The following AASDH variants were observed in gnomAD, a reference collection of about 807,000 sequenced individuals.
AASDH encodes aminoadipate-semialdehyde dehydrogenase.
Under a neutral mutation model 102.3 loss-of-function variants are expected in AASDH, and 81 were observed. The observed-to-expected ratio is 0.79, with a 90% CI of 0.66 to 0.95. The LOEUF (loss-of-function observed/expected upper bound fraction) is 0.95, where lower values mean the gene tolerates loss of function less well. Among genes scored for constraint, AASDH ranks in the 40% least tolerant of loss-of-function variants. AASDH has a pLI of 0.00. For synonymous variants in AASDH, 398 were observed against 454.0 expected, an observed-to-expected ratio of 0.88 and a Z score of 1.57; for missense variants, 1,203 against 1,266.2, an observed-to-expected ratio of 0.95 and a Z score of 0.76.
chr4:56,387,292 C>T (rs752641425), intron 1 of AASDH, 70 bp downstream of exon 1: 6 of 152,338 alleles, frequency 3.9e-5, no homozygotes, highest in Non-Finnish European at 8.8e-5. Context: ...TGGAAGCAGG[C>T]TCAGGCCTAG....
At chr4:56,354,631 C>A (rs76654050) in intron 7 of AASDH, 74 bp downstream of exon 7, 3 of 1,102,286 alleles carry the variant, frequency 2.7e-6, no homozygotes, top group Non-Finnish European at 4.0e-6. Flanking sequence ...AAGAAAAAGA[C>A]GAAAGGAATA....
chr4:56,347,135 A>G (rs1748424265), intron 11 of AASDH, among the ~76,000 whole-genome samples: 1 of 152,184 alleles, frequency 6.6e-6, no homozygotes, highest in Non-Finnish European at 1.5e-5. Flanking sequence ...TTCAACGGCT[A>G]TAACAAAAAA....
At position 56,371,617 on chromosome 4, in the gene AASDH, T is replaced by A; in HGVS notation, c.695A>T (p.Asp232Val). 1.9e-6 allele frequency: 3 copies of A among 1,605,178 alleles called. No homozygotes were observed. Among genetic ancestry groups the A allele is most frequent in the Non-Finnish European group, 2.5e-6 (3 of 1,178,308 alleles). The change falls in exon 5 of 15, where the codon GAT becomes GTT. Residue 232 changes from aspartate to valine, a missense_variant. Physicochemically the swap from Asp to Val is radical, Grantham distance 152. Transcript: ENST00000205214. ...FRVLFDITQE[D>V]VLFLASPLTF... ...CAGAGGTGAAGCCAGAAACAAAACA[T>A]CTTCTTGTGTGATGTCAAAAAGTAC... is the stretch of plus-strand genomic sequence containing the variant.
intron 4 of AASDH, among the ~76,000 whole-genome samples, chr4:56,377,433 A>T (rs1752490205): frequency 6.6e-6 from 1 of 152,226 alleles, no homozygotes. Context: ...CATCTACTGG[A>T]TTAAGTTCAG....
At chr4:56,368,040 C>T (rs1377149302) in intron 5 of AASDH, among the ~76,000 whole-genome samples, 1 of 152,148 alleles carries the variant, frequency 6.6e-6, no homozygotes. Context: ...CAAAAAACCC[C>T]ATCAACAAGT....
chr4:56,349,752 T>A lies in AASDH; in HGVS notation c.1999A>T (p.Met667Leu), dbSNP rs534415378. The A allele has an allele frequency of 1.6e-4, 253 of 1,614,214 alleles. 6 individuals carry two copies. The South Asian group carries it at 2.7e-3, about 17-fold the overall frequency. Residue 667 changes from methionine (M) to leucine (L), a missense_variant, in exon 11 of 15, where the codon ATG becomes TTG. By Grantham distance (15) the Met-to-Leu change is conservative. Transcript: ENST00000205214. ...ATCTCATTGTGGCAAGTGAAAGTCA[T>A]GATGGCTTTCTGATGTAAAGATGTT... ...SGTSLHQKAIMTFTCHNEINA... is the reference protein window; with the variant it reads ...SGTSLHQKAILTFTCHNEINA...
At chr4:56,368,301 G>A (rs1751267970) in intron 5 of AASDH, among the ~76,000 whole-genome samples, 2 of 152,170 alleles carry the variant, frequency 1.3e-5, no homozygotes, top group South Asian at 4.1e-4. Flanking sequence ...CATTGTGGAA[G>A]TCAGTGTGGC....
intron 2 of AASDH, 124 bp downstream of exon 2, chr4:56,383,946 C>G (rs1053728691): frequency 5.4e-6 from 4 of 742,588 alleles, no homozygotes; most frequent in Non-Finnish European, 8.8e-6. Flanking sequence ...TTTAGTCTCT[C>G]TACAATTGAC....
intron 5 of AASDH, among the ~76,000 whole-genome samples, chr4:56,363,467 AC>A (rs1450656411): frequency 6.6e-6 from 1 of 152,144 alleles, no homozygotes. Context: ...ACTGGGAGGC[AC>A]CCCCAGTAGG....
At chr4:56,371,247 A>T (rs1364036920) in intron 5 of AASDH, among the ~76,000 whole-genome samples, 1 of 152,238 alleles carries the variant, frequency 6.6e-6, no homozygotes. Flanking sequence ...ACATAATAAA[A>T]GAATTTTCTA....
intron 5 of AASDH, 91 bp downstream of exon 5, chr4:56,371,360 T>G: frequency 7.6e-7 from 1 of 1,313,570 alleles, no homozygotes; most frequent in Non-Finnish European, 1.0e-6. Context: ...ATTAATCCAT[T>G]GTAAAGAACT....
intron 4 of AASDH, among the ~76,000 whole-genome samples, chr4:56,376,286 A>G (rs1578059032): frequency 6.6e-6 from 1 of 152,048 alleles, no homozygotes; most frequent in Non-Finnish European, 1.5e-5. Flanking sequence ...TTAGCCTCCT[A>G]AAGTGTGGGA....
At chr4:56,374,251 C>T (rs922367738) in intron 4 of AASDH, among the ~76,000 whole-genome samples, 34 of 151,316 alleles carry the variant, frequency 2.2e-4, no homozygotes, top group African/African-American at 8.0e-4. Context: ...TAGTGGCGTG[C>T]ACCTATAGTG....
intron 9 of AASDH, among the ~76,000 whole-genome samples, chr4:56,352,181 A>G (rs1377492877): frequency 1.3e-5 from 2 of 152,186 alleles, no homozygotes; most frequent in Non-Finnish European, 2.9e-5. Flanking sequence ...CAGAATATCA[A>G]TTCTATCACT....
intron 5 of AASDH, among the ~76,000 whole-genome samples, chr4:56,357,124 A>C (rs1349118010): frequency 1.3e-5 from 2 of 152,208 alleles, no homozygotes; most frequent in African/African-American, 4.8e-5. Flanking sequence ...TAAAACCATC[A>C]CCACAATCAA....
chr4:56,354,707 A>G lies in AASDH; in HGVS notation c.1208T>C (p.Leu403Ser). ...TIQEGSGQVFLGGRNRVCFLD... is the reference protein window; with the variant it reads ...TIQEGSGQVFSGGRNRVCFLD... ...CCAATCAACAAATATAAAACAACCT[A>G]AAAATACTTGGCCACTGCCTTCCTG... is the stretch of plus-strand genomic sequence containing the variant. The change falls in exon 7 of 15, where the codon TTA becomes TCA. Residue 403 changes from leucine (L) to serine (S), a missense_variant and splice_region_variant. Leu to Ser is a moderately radical substitution (Grantham distance 145). Coordinates refer to ENST00000205214, the MANE Select transcript of AASDH (RefSeq NM_181806.4). 6.3e-7 allele frequency: 1 copy of G among 1,595,758 alleles called. No individual in the cohort carries two copies. The highest frequency in any genetic ancestry group is 8.5e-7 in the Non-Finnish European group (1 of 1,172,876).
chr4:56,371,764 C>T (rs1751739548), intron 4 of AASDH, 121 bp from the exon 5 acceptor site: 1 of 961,668 alleles, frequency 1.0e-6, no homozygotes, highest in Non-Finnish European at 1.4e-6. Context: ...TTTTATTCTT[C>T]TCTCTTAAAT....
intron 5 of AASDH, among the ~76,000 whole-genome samples, chr4:56,359,028 A>C (rs1749970922): frequency 6.6e-6 from 1 of 152,138 alleles, no homozygotes; most frequent in Non-Finnish European, 1.5e-5. Context: ...TATTGATATA[A>C]CAAAGTACTT....
At chr4:56,346,228 G>C (rs748623337) in intron 11 of AASDH, among the ~76,000 whole-genome samples, 3 of 152,192 alleles carry the variant, frequency 2.0e-5, no homozygotes, top group Non-Finnish European at 4.4e-5. Flanking sequence ...TCTCTAGACA[G>C]CTCTGCCTAT....
Sources: gnomAD v4.1 joint callset for allele counts (sites outside exome capture counted in the v4.1 genomes callset) on GRCh38, gnomAD v4.1.1 for gene constraint, MANE v1.5 for transcripts, NCBI Gene and HGNC (gene_info 2026-07-23, HGNC 2026-07-21) for gene names.